The following SYT2 variants were observed in gnomAD, a reference collection of about 807,000 sequenced individuals.
The protein encoded by SYT2 is synaptotagmin 2, also known as synaptotagmin-2.
Under a neutral mutation model 39.9 loss-of-function variants are expected in SYT2, and 15 were observed. The observed-to-expected ratio is 0.38, with a 90% CI of 0.25 to 0.58. SYT2 has a LOEUF of 0.58. Among genes scored for constraint, SYT2 ranks in the 20% least tolerant of loss-of-function variants. SYT2 has a pLI of 0.70. For synonymous variants in SYT2, 181 were observed against 204.5 expected (o/e 0.89, Z 0.98); for missense variants, 389 against 530.3 (o/e 0.73, Z 2.62).
rs961733603 is a variant in SYT2 at position 202,702,913 on chromosome 1, C to G, written c.-18+7345G>C. Among the ~76,000 whole-genome samples the G allele has an allele frequency of 4.6e-5, 7 of 152,318 alleles. No individual in the cohort carries two copies. The South Asian group carries it at 1.0e-3, about 23-fold the overall frequency. ...CAGCCCAAGCCCCTCTCCAGGCCCC[C>G]CTCCTTGCGGCCTCACAGCTCTCCT... On this transcript the variant is annotated intron_variant, in intron 1 of 8. Transcript: ENST00000367268.
intron 1 of SYT2, among the ~76,000 whole-genome samples, chr1:202,617,632 T>C (rs2149080783): frequency 6.6e-6 from 1 of 152,234 alleles, no homozygotes; most frequent in East Asian, 1.9e-4. Flanking sequence ...GCTCAAACAG[T>C]ACTTCCAAGA....
At chr1:202,675,915 T>C (rs1312468120) in intron 1 of SYT2, among the ~76,000 whole-genome samples, 3 of 152,224 alleles carry the variant, frequency 2.0e-5, no homozygotes, top group Admixed American at 2.0e-4. Flanking sequence ...GCTAAACACT[T>C]TGCATCTTTC....
intron 1 of SYT2, among the ~76,000 whole-genome samples, chr1:202,694,856 G>A (rs1653934805): frequency 6.6e-6 from 1 of 151,568 alleles, no homozygotes; most frequent in South Asian, 2.1e-4. Flanking sequence ...GTTGACAACT[G>A]TGCATACATT....
At chr1:202,693,867 A>G (rs1310394858) in intron 1 of SYT2, among the ~76,000 whole-genome samples, 3 of 152,264 alleles carry the variant, frequency 2.0e-5, no homozygotes, top group Non-Finnish European at 4.4e-5. Context: ...CTGTATAGGA[A>G]GCATTGCACC....
chr1:202,659,622 A>G (rs1232804515), intron 1 of SYT2, among the ~76,000 whole-genome samples: 1 of 152,158 alleles, frequency 6.6e-6, no homozygotes, highest in Admixed American at 6.5e-5. Context: ...TCAGGTGCCC[A>G]ATTTGGGCAC....
Position 202,596,651 on chromosome 1 carries a change from A to G in SYT2, c.*106T>C, listed in dbSNP as rs1690307382. ...GGAAAAACAAGGACACAACCACCCA[A>G]CAAATGAAAGAAAAAAGAAAACCTC... On this transcript the variant is annotated 3_prime_UTR_variant, in exon 9 of 9. Transcript: ENST00000367268. 2 of 1,136,384 alleles carry G rather than the reference A, an allele frequency of 1.8e-6. No homozygotes were observed. Among genetic ancestry groups the G allele is most frequent in the African/African-American group, 1.6e-5 (1 of 64,220 alleles). 70.4% of individuals were successfully genotyped at this position (1,136,384 alleles called of 1,614,324 possible).
At chr1:202,666,010 G>T (rs908412672) in intron 1 of SYT2, among the ~76,000 whole-genome samples, 1 of 150,686 alleles carries the variant, frequency 6.6e-6, no homozygotes, top group Non-Finnish European at 1.5e-5. Flanking sequence ...AAAATTAGCC[G>T]GGCGTGGTGG....
chr1:202,660,014 G>A (rs1193148565), intron 1 of SYT2, among the ~76,000 whole-genome samples: 1 of 152,164 alleles, frequency 6.6e-6, no homozygotes, highest in African/African-American at 2.4e-5. Flanking sequence ...CTGATTCTCT[G>A]CCCAAGAATC....
rs944126948 is a variant in SYT2, at chr1:202,646,686, G to A, written c.-17-40897C>T. Among the ~76,000 whole-genome samples, 8 of 152,348 alleles carry A rather than the reference G, an allele frequency of 5.3e-5. No individual in the cohort carries two copies. The South Asian group carries it at 1.0e-3, about 20-fold the overall frequency. ...TTTTTGTAAAGATTAACGGGATAAT[G>A]TATATAGAGAGACTAGCGCAGTGCC... On this transcript the variant is annotated intron_variant, in intron 1 of 8. Coordinates refer to ENST00000367268, the MANE Select transcript of SYT2 (RefSeq NM_177402.5).
chr1:202,619,474 G>A (rs1402158464), intron 1 of SYT2, among the ~76,000 whole-genome samples: 1 of 152,218 alleles, frequency 6.6e-6, no homozygotes. Context: ...ACACACAAGG[G>A]AAGGGACTGA....
chr1:202,704,685 C>T (rs1292219167), intron 1 of SYT2, among the ~76,000 whole-genome samples: 3 of 82,322 alleles, frequency 3.6e-5, no homozygotes, highest in Non-Finnish European at 6.1e-5. Context: ...CACACACACA[C>T]GGCTGCTGGG....
At chr1:202,701,366 G>T (rs1454434373) in intron 1 of SYT2, among the ~76,000 whole-genome samples, 1 of 152,194 alleles carries the variant, frequency 6.6e-6, no homozygotes, top group Non-Finnish European at 1.5e-5. Context: ...CACAGGTGAT[G>T]GGCACTGTTC....
At position 202,672,362 on chromosome 1, in the gene SYT2, G is replaced by T. The variant is rs1444520771; in HGVS notation, c.-18+37896C>A. 2.0e-5 allele frequency among the ~76,000 whole-genome samples: 3 copies of T among 152,222 alleles called. No individual in the cohort carries two copies. The South Asian group carries it at 6.2e-4, about 32-fold the overall frequency. ...TGGGGGTCCTCTGCCATGGGAAGAGGATGTAGCCAGAAGGCTGACATCTGC... is the reference window on the plus strand; with the variant it reads ...TGGGGGTCCTCTGCCATGGGAAGAGTATGTAGCCAGAAGGCTGACATCTGC... On this transcript the variant is annotated intron_variant, in intron 1 of 8. Coordinates refer to ENST00000367268, the MANE Select transcript of SYT2 (RefSeq NM_177402.5).
rs538396211 is a variant in SYT2, at chr1:202,642,197, G to A, written c.-17-36408C>T. 7.9e-5 allele frequency among the ~76,000 whole-genome samples: 12 copies of A among 152,232 alleles called. No individual in the cohort carries two copies. The South Asian group carries it at 2.5e-3, about 32-fold the overall frequency. On this transcript the variant is annotated intron_variant, in intron 1 of 8. Transcript: ENST00000367268. ...GGTCATAGGACAGGTCAGAATGGAA[G>A]CTTTCGGACTCTCCCTGGGGCGCTG...
intron 1 of SYT2, among the ~76,000 whole-genome samples, chr1:202,691,096 C>T (rs986485462): frequency 6.6e-6 from 1 of 152,174 alleles, no homozygotes; most frequent in African/African-American, 2.4e-5. Context: ...GGTCACTTGG[C>T]ATCTCTGAAG....
At chr1:202,682,623 C>T (rs147663800) in intron 1 of SYT2, among the ~76,000 whole-genome samples, 4 of 152,130 alleles carry the variant, frequency 2.6e-5, no homozygotes, top group Non-Finnish European at 4.4e-5. Context: ...TGGCAAAGCA[C>T]GGAGCGGATT....
chr1:202,605,433 T>G (rs1478232631), intron 2 of SYT2, 162 bp downstream of exon 2: 2 of 567,802 alleles, frequency 3.5e-6, no homozygotes, highest in Non-Finnish European at 6.1e-6. Context: ...CAGATCCTAC[T>G]TCCCCCTCCC....
At chr1:202,619,742 T>C (rs767782743) in intron 1 of SYT2, among the ~76,000 whole-genome samples, 8 of 152,144 alleles carry the variant, frequency 5.3e-5, no homozygotes, top group Non-Finnish European at 1.0e-4. Context: ...GCCCGGTTGC[T>C]GGAAGTAAAA....
chr1:202,610,146 C>A (rs994829167), intron 1 of SYT2, among the ~76,000 whole-genome samples: 2 of 152,168 alleles, frequency 1.3e-5, no homozygotes, highest in African/African-American at 4.8e-5. Flanking sequence ...AATAGGGAAT[C>A]GTTTCCCCAT....
Sources: gnomAD v4.1 joint callset for allele counts (sites outside exome capture counted in the v4.1 genomes callset) on GRCh38, gnomAD v4.1.1 for gene constraint, MANE v1.5 for transcripts, NCBI Gene and HGNC (gene_info 2026-07-23, HGNC 2026-07-21) for gene names.